ALK: variants seen among roughly 807,000 people sequenced by gnomAD.
ALK encodes ALK tyrosine kinase receptor.
ALK carries 74 observed loss-of-function variants against 163.1 expected under a neutral mutation model. That is an observed-to-expected ratio of 0.45 (90% CI 0.38 to 0.55). The LOEUF is 0.55. ALK is among the 20% of genes least tolerant of loss of function. The pLI is 0.00. For missense variants in ALK, 2,063 were observed against 2,105.3 expected (o/e 0.98, Z 0.39); for synonymous variants, 960 against 843.2 (o/e 1.14, Z -2.40).
chr2:29,683,022 C>G (rs1484790035), intron 3 of ALK, among the ~76,000 whole-genome samples: 3 of 152,128 alleles, frequency 2.0e-5, no homozygotes, highest in Non-Finnish European at 2.9e-5. Context: ...TAAGAATCAA[C>G]TAGGAAAGGA....
chr2:29,406,292 C>A (rs947309638), intron 4 of ALK, among the ~76,000 whole-genome samples: 1 of 152,140 alleles, frequency 6.6e-6, no homozygotes, highest in African/African-American at 2.4e-5. Flanking sequence ...CATCTCTAGT[C>A]CTCCCTAGGA....
At chr2:29,907,213 T>C (rs1482406418) in intron 1 of ALK, 3 of 152,172 alleles carry the variant, frequency 2.0e-5, no homozygotes, top group African/African-American at 4.8e-5. Flanking sequence ...GGTTTTGCTA[T>C]ACAATTATCC....
At chr2:29,818,073 C>T (rs1164687744) in intron 1 of ALK, among the ~76,000 whole-genome samples, 1 of 152,178 alleles carries the variant, frequency 6.6e-6, no homozygotes, top group Non-Finnish European at 1.5e-5. Context: ...CTTGGCTCGC[C>T]AAACTCCACT....
intron 3 of ALK, among the ~76,000 whole-genome samples, chr2:29,639,490 G>C (rs534547712): frequency 1.3e-5 from 2 of 152,090 alleles, no homozygotes; most frequent in South Asian, 2.1e-4. Context: ...CTAAGGATTT[G>C]AGCAAACTTA....
chr2:29,865,202 T>C (rs1666401560), intron 1 of ALK, among the ~76,000 whole-genome samples: 1 of 152,222 alleles, frequency 6.6e-6, no homozygotes, highest in South Asian at 2.1e-4. Flanking sequence ...GGGACTGCTA[T>C]TGTGCAACTT....
At chr2:29,270,114 T>A (rs1224808478) in intron 11 of ALK, among the ~76,000 whole-genome samples, 1 of 152,028 alleles carries the variant, frequency 6.6e-6, no homozygotes, top group African/African-American at 2.4e-5. Context: ...GAAAGAGAGA[T>A]CCCTCTTGAA....
chr2:29,915,042 A>G (rs1667797474), intron 1 of ALK, among the ~76,000 whole-genome samples: 1 of 152,244 alleles, frequency 6.6e-6, no homozygotes, highest in Non-Finnish European at 1.5e-5. Flanking sequence ...TAAAGTTCCA[A>G]ATAACCATAA....
intron 3 of ALK, among the ~76,000 whole-genome samples, chr2:29,688,176 G>T (rs147243086): frequency 1.3e-5 from 2 of 152,212 alleles, no homozygotes; most frequent in Non-Finnish European, 2.9e-5. Context: ...AGAGCTGTCC[G>T]TGAGGCCTTA....
chr2:29,828,217 G>T (rs1038169583), intron 1 of ALK, among the ~76,000 whole-genome samples: 5 of 152,132 alleles, frequency 3.3e-5, no homozygotes, highest in African/African-American at 1.2e-4. Context: ...AAAAACCCTA[G>T]AAGAAAACCT....
chr2:29,358,102 C>G (rs1258908936), intron 5 of ALK, among the ~76,000 whole-genome samples: 1 of 152,184 alleles, frequency 6.6e-6, no homozygotes. Flanking sequence ...CTTGCAGAAC[C>G]AGAGTCCATA....
At chr2:29,914,430 T>C (rs1444626958) in intron 1 of ALK, among the ~76,000 whole-genome samples, 1 of 152,194 alleles carries the variant, frequency 6.6e-6, no homozygotes, top group East Asian at 1.9e-4. Flanking sequence ...CTAAAATGTA[T>C]ATGGAACCCC....
chr2:29,239,744 T>C lies in ALK; in HGVS notation c.2291A>G (p.Asn764Ser). ...SHGVSVLGIF[N>S]LEKDDMLYIL... is the part of the protein sequence containing the mutation. ...GTACAGCATGTCATCCTTCTCCAGG[T>C]TGAAGATGCCCAGCACAGACACGCC... The change falls in exon 13 of 29, where the codon AAC (asparagine) becomes AGC (serine). Residue 764 changes from asparagine to serine, a missense_variant. Coordinates refer to ENST00000389048, the MANE Select transcript of ALK (RefSeq NM_004304.5). 1 of 1,614,076 alleles carries C rather than the reference T, an allele frequency of 6.2e-7. No individual in the cohort carries two copies. The highest frequency in any genetic ancestry group is 1.1e-5 in the South Asian group (1 of 91,082).
chr2:29,512,149 A>G (rs1391614483), intron 4 of ALK, among the ~76,000 whole-genome samples: 1 of 152,140 alleles, frequency 6.6e-6, no homozygotes. Context: ...GTCTGCAATA[A>G]TTTTCTCTTA....
At position 29,358,664 on chromosome 2, in the gene ALK, A is replaced by G. The variant is rs1218675109; in HGVS notation, c.1282+25068T>C. Among the ~76,000 whole-genome samples, 4 of 152,200 alleles carry G rather than the reference A, an allele frequency of 2.6e-5. No homozygotes were observed. The East Asian group carries it at 5.8e-4, about 22-fold the overall frequency. ...TTGGACATGGATTTACTCTGCCTGC[A>G]AATGCCCACCTTTCTGTACAGCATC... On this transcript the variant is annotated intron_variant, in intron 5 of 28. Transcript: ENST00000389048.
Position 29,751,068 on chromosome 2 carries a change from T to G in ALK, c.668-33371A>C, listed in dbSNP as rs950956867. ...CTGGGCAACAGAGCAAGACTCCATCTCAAAAGGAAGGGGAGGAGAGGGGAG... is the reference window on the plus strand; with the variant it reads ...CTGGGCAACAGAGCAAGACTCCATCGCAAAAGGAAGGGGAGGAGAGGGGAG... On this transcript the variant is annotated intron_variant, in intron 1 of 28. Coordinates refer to ENST00000389048, the MANE Select transcript of ALK (RefSeq NM_004304.5). Among the ~76,000 whole-genome samples the G allele has an allele frequency of 3.3e-5, 5 of 151,892 alleles. No individual in the cohort carries two copies. The East Asian group carries it at 7.8e-4, about 24-fold the overall frequency.
chr2:29,406,019 C>T (rs1669571914), intron 4 of ALK, among the ~76,000 whole-genome samples: 1 of 152,150 alleles, frequency 6.6e-6, no homozygotes, highest in Non-Finnish European at 1.5e-5. Flanking sequence ...CCCAGAGGAG[C>T]TCAAAGGCCA....
chr2:29,764,045 C>T (rs1415917638), intron 1 of ALK, among the ~76,000 whole-genome samples: 7 of 152,174 alleles, frequency 4.6e-5, no homozygotes, highest in Non-Finnish European at 1.0e-4. Context: ...CAGAGACATC[C>T]TGTGACCTCC....
chr2:29,695,891 T>G (rs948374277), intron 2 of ALK, among the ~76,000 whole-genome samples: 8 of 152,096 alleles, frequency 5.3e-5, no homozygotes, highest in African/African-American at 1.9e-4. Context: ...GAAATAGAAA[T>G]AGAAATGCTT....
At chr2:29,267,469 C>T (rs535442678) in intron 11 of ALK, among the ~76,000 whole-genome samples, 1 of 152,322 alleles carries the variant, frequency 6.6e-6, no homozygotes, top group Admixed American at 6.5e-5. Flanking sequence ...CCCAAATCCC[C>T]TGCTGCACAG....
Sources: allele counts gnomAD v4.1 joint callset (sites outside exome capture counted in the v4.1 genomes callset), GRCh38; gene constraint gnomAD v4.1.1; transcripts MANE v1.5; gene names NCBI Gene and HGNC (gene_info 2026-07-23, HGNC 2026-07-21).